Variants in TIAM1 observed in about 807,000 individuals in gnomAD.
TIAM1 encodes TIAM Rac1 associated GEF 1, also known as rho guanine nucleotide exchange factor TIAM1.
A neutral mutation model predicts 163.5 loss-of-function variants in TIAM1; 65 were observed. That is an observed-to-expected ratio of 0.40 (90% CI 0.33 to 0.49). The LOEUF is 0.49. Ranked by LOEUF, TIAM1 falls within the 20% of genes least tolerant of loss-of-function variation. TIAM1 has a pLI of 0.77. For synonymous variants in TIAM1, 833 were observed against 810.1 expected (o/e 1.03, Z -0.48); for missense variants, 1,789 against 2,044.7 (o/e 0.87, Z 2.41).
intron 2 of TIAM1, among the ~76,000 whole-genome samples, chr21:31,298,735 G>GGTGTGTATGTGTGTGTGTGT (rs2074383124): frequency 1.4e-5 from 2 of 138,482 alleles, no homozygotes; most frequent in Admixed American, 1.5e-4. Context: ...TCCAATTGAG[G>GGTGTGTATGTGTGTGTGTGT]GTGTGTGTGT....
intron 4 of TIAM1, among the ~76,000 whole-genome samples, chr21:31,255,503 G>C (rs1234733104): frequency 6.6e-6 from 1 of 152,034 alleles, no homozygotes; most frequent in African/African-American, 2.4e-5. Flanking sequence ...CTTTCAGAGG[G>C]GCTCCTGCTA....
intron 20 of TIAM1, among the ~76,000 whole-genome samples, chr21:31,144,796 T>A (rs1469832592): frequency 7.7e-5 from 9 of 117,544 alleles, no homozygotes; most frequent in Non-Finnish European, 1.3e-4. Flanking sequence ...ACCACTGCGC[T>A]CCAGCCTGGG....
intron 1 of TIAM1, among the ~76,000 whole-genome samples, chr21:31,516,776 C>T (rs1048255633): frequency 1.3e-5 from 2 of 151,808 alleles, no homozygotes; most frequent in African/African-American, 4.8e-5. Context: ...TGAATTCAGG[C>T]TGGGCTCGGT....
chr21:31,327,643 C>CAAAAAAAAAAAA (rs373702154), intron 2 of TIAM1, among the ~76,000 whole-genome samples: 6 of 69,474 alleles, frequency 8.6e-5, no homozygotes, highest in Admixed American at 3.7e-4. Flanking sequence ...GCCGCCATCT[C>CAAAAAAAAAAAA]AAAAAAAAAA....
intron 2 of TIAM1, among the ~76,000 whole-genome samples, chr21:31,436,665 A>G (rs952125536): frequency 1.3e-5 from 2 of 152,058 alleles, no homozygotes; most frequent in Admixed American, 1.3e-4. Context: ...TAATTAATTT[A>G]AAAAAATATA....
rs1035827247 is a variant in TIAM1, at chr21:31,556,300, T to G, written c.-422+2627A>C. Among the ~76,000 whole-genome samples the G allele has an allele frequency of 2.6e-5, 4 of 152,312 alleles. 1 individual carries two copies. On this transcript the variant is annotated intron_variant, in intron 1 of 28. Transcript: ENST00000286827. ...GCCGCGTTCCACATCAACAGCCGAA[T>G]AGGGGTTCACGGGAGTCAGATTCCA...
In TIAM1 at chr21:31,247,000, T is replaced by C. The variant is rs6517021; in HGVS notation, c.1412-1340A>G. The stretch of plus-strand genomic sequence containing the variant: ...TTACAGTTGCTTCTTTTTTCAAAGG[T>C]AAAGCCCTATGCTAATGCTTTTTTG... On this transcript the variant is annotated intron_variant, in intron 5 of 27. Coordinates refer to ENST00000541036, the MANE Select transcript of TIAM1 (RefSeq NM_001353694.2). 8.0e-3 allele frequency among the ~76,000 whole-genome samples: 1,226 copies of C among 152,314 alleles called. 24 individuals carry two copies. Among genetic ancestry groups the C allele is most frequent in the African/African-American group, 0.028 (1,149 of 41,568 alleles).
At chr21:31,507,162 G>T (rs1373780052) in intron 1 of TIAM1, among the ~76,000 whole-genome samples, 1 of 97,238 alleles carries the variant, frequency 1.0e-5, no homozygotes, top group Non-Finnish European at 2.2e-5. Flanking sequence ...ATTTTTTGAG[G>T]TGCATGCACC....
chr21:31,228,068 A>G (rs1006761881), intron 6 of TIAM1, among the ~76,000 whole-genome samples: 1 of 139,958 alleles, frequency 7.1e-6, no homozygotes, highest in African/African-American at 3.0e-5. Flanking sequence ...ACGCCCAGCT[A>G]ATTTTTGTAT....
intron 2 of TIAM1, among the ~76,000 whole-genome samples, chr21:31,447,709 G>A (rs1272158097): frequency 6.6e-6 from 1 of 152,174 alleles, no homozygotes; most frequent in Non-Finnish European, 1.5e-5. Context: ...GAGAAATGAG[G>A]AGGTGGACAG....
intron 2 of TIAM1, among the ~76,000 whole-genome samples, chr21:31,431,461 C>T (rs2044025172): frequency 6.6e-6 from 1 of 152,192 alleles, no homozygotes; most frequent in South Asian, 2.1e-4. Context: ...GTGGGAGAAC[C>T]ACTGAGCTAG....
intron 15 of TIAM1, among the ~76,000 whole-genome samples, chr21:31,173,226 C>CAAACATTGACAAAGAG (rs1400642108): frequency 1.3e-5 from 2 of 151,804 alleles, no homozygotes. Flanking sequence ...CCCTCCAATT[C>CAAACATTGACAAAGAG]AAACATTGAC....
chr21:31,388,260 A>ACACAC (rs1413732260), intron 2 of TIAM1, among the ~76,000 whole-genome samples: 1 of 29,522 alleles, frequency 3.4e-5, no homozygotes, highest in African/African-American at 1.8e-4. Context: ...CACACACACA[A>ACACAC]CCTCTTACGT....
intron 10 of TIAM1, 154 bp downstream of exon 10, chr21:31,213,244 A>G (rs2146576386): frequency 5.0e-6 from 3 of 597,998 alleles, no homozygotes; most frequent in Admixed American, 3.5e-5. Context: ...ATGATTTTCC[A>G]TCTCTTGTTG....
chr21:31,136,224 T>G (rs534061418), intron 22 of TIAM1, among the ~76,000 whole-genome samples, 183 bp from the exon 23 acceptor site: 61 of 152,358 alleles, frequency 4.0e-4, no homozygotes, highest in African/African-American at 1.5e-3. Context: ...CATTCCACAA[T>G]GTAACATATC....
chr21:31,223,077 T>C (rs1246798745), intron 8 of TIAM1, among the ~76,000 whole-genome samples: 3 of 151,982 alleles, frequency 2.0e-5, no homozygotes, highest in Non-Finnish European at 4.4e-5. Flanking sequence ...CAAGTTTATA[T>C]AAAAAATATG....
chr21:31,525,746 A>T (rs1196840872), intron 1 of TIAM1, among the ~76,000 whole-genome samples: 2 of 152,102 alleles, frequency 1.3e-5, no homozygotes. Flanking sequence ...TAATTATGTC[A>T]TCCGACGCCA....
intron 2 of TIAM1, among the ~76,000 whole-genome samples, chr21:31,323,660 G>A (rs1031909211): frequency 1.3e-5 from 2 of 151,692 alleles, no homozygotes; most frequent in East Asian, 1.9e-4. Context: ...ACAAAACCCC[G>A]TCTCTACTAA....
In TIAM1 at chr21:31,395,445, G is replaced by T. The variant is rs2077049138; in HGVS notation, c.-368-56023C>A. Among the ~76,000 whole-genome samples, 1 of 152,126 alleles carries T rather than the reference G, an allele frequency of 6.6e-6. No homozygotes were observed. Among genetic ancestry groups the T allele is most frequent in the African/African-American group, 2.4e-5 (1 of 41,410 alleles). On this transcript the variant is annotated intron_variant, in intron 2 of 28. Coordinates refer to the TIAM1 transcript ENST00000286827. This position sits in a 1 kb window ranked among gnomAD's most constrained non-coding sequence, Gnocchi z 7.5. ...TAAGGATGGCTTTCACACCAGAGCA[G>T]CAGGGAAAATTGGACAAGAGGGGCC...
Sources: gnomAD v4.1 joint callset for allele counts (sites outside exome capture counted in the v4.1 genomes callset) on GRCh38, gnomAD v4.1.1 for gene constraint, Gnocchi (gnomAD v3.1) non-coding constraint, MANE v1.5 for transcripts, NCBI Gene and HGNC (gene_info 2026-07-23, HGNC 2026-07-21) for gene names.